The following ATF2 variants were observed in gnomAD, a reference collection of about 807,000 sequenced individuals.
The protein encoded by ATF2 is activating transcription factor 2.
A neutral mutation model predicts 60.6 loss-of-function variants in ATF2; 24 were observed. That is an observed-to-expected ratio of 0.40 (90% CI 0.29 to 0.56). The LOEUF is 0.56. Ranked by LOEUF, ATF2 falls within the 20% of genes least tolerant of loss-of-function variation. ATF2 has a pLI of 0.54. For missense variants in ATF2, 433 were observed against 607.7 expected (o/e 0.71, Z 3.02); for synonymous variants, 206 against 215.4 (o/e 0.96, Z 0.38).
chr2:175,091,308 T>C (rs1574338431), intron 12 of ATF2, among the ~76,000 whole-genome samples: 1 of 152,140 alleles, frequency 6.6e-6, no homozygotes. Context: ...ACAACAGTGA[T>C]TGTGTTTTAT....
intron 1 of ATF2, among the ~76,000 whole-genome samples, chr2:175,152,378 A>C (rs1321113285): frequency 6.6e-6 from 1 of 152,204 alleles, no homozygotes. Flanking sequence ...TGGAAAGGTA[A>C]ACTCACATAC....
chr2:175,163,687 T>G (rs1397308849), intron 1 of ATF2, among the ~76,000 whole-genome samples: 2 of 151,978 alleles, frequency 1.3e-5, no homozygotes, highest in African/African-American at 4.8e-5. Flanking sequence ...CTCATGCCTG[T>G]AATTCCAACA....
rs562326015 is a variant in ATF2 at position 175,108,711 on chromosome 2, G to A, written c.828+2857C>T. ...CTCATTGAGAACGGGCCATGATGAC[G>A]ATGGCGGTTTTGCGGAATAGAAAAG... On this transcript the variant is annotated intron_variant, in intron 10 of 13. Coordinates refer to ENST00000264110, the MANE Select transcript of ATF2 (RefSeq NM_001880.4). 1.5e-3 allele frequency among the ~76,000 whole-genome samples: 234 copies of A among 152,320 alleles called. 3 individuals carry two copies. Among genetic ancestry groups the A allele is most frequent in the Non-Finnish European group, 2.7e-3 (184 of 68,010 alleles).
intron 3 of ATF2, among the ~76,000 whole-genome samples, chr2:175,134,458 G>C (rs1697986892): frequency 6.6e-6 from 1 of 150,784 alleles, no homozygotes; most frequent in Non-Finnish European, 1.5e-5. Context: ...GAAAAGCCTG[G>C]CATACAGCAA....
chr2:175,083,320 T>TA (rs1297357390), intron 12 of ATF2, among the ~76,000 whole-genome samples: 1 of 152,008 alleles, frequency 6.6e-6, no homozygotes, highest in African/African-American at 2.4e-5. Context: ...TGGAACAGAA[T>TA]AGAGCCCTCA....
intron 1 of ATF2, among the ~76,000 whole-genome samples, chr2:175,152,768 T>C (rs1422046416): frequency 6.6e-6 from 1 of 152,180 alleles, no homozygotes; most frequent in African/African-American, 2.4e-5. Context: ...ATACAGGCTG[T>C]TCCTTAAGGG....
At chr2:175,154,786 A>G (rs1375158944) in intron 1 of ATF2, among the ~76,000 whole-genome samples, 2 of 152,234 alleles carry the variant, frequency 1.3e-5, no homozygotes, top group Non-Finnish European at 2.9e-5. Flanking sequence ...GGATATCACT[A>G]ACCTGTGGGT....
chr2:175,136,521 A>C, intron 2 of ATF2, 35 bp from the exon 3 acceptor site: 1 of 1,325,842 alleles, frequency 7.5e-7, no homozygotes, highest in Non-Finnish European at 1.1e-6. Flanking sequence ...TGTTAAAAAT[A>C]GTTCTGAAAC....
intron 2 of ATF2, among the ~76,000 whole-genome samples, chr2:175,142,450 A>G (rs1210281330): frequency 6.6e-6 from 1 of 152,094 alleles, no homozygotes; most frequent in East Asian, 1.9e-4. Context: ...TACAGGCCTG[A>G]GCCATTGTGC....
chr2:175,167,536 A>G (rs1700443291), intron 1 of ATF2: 1 of 440,908 alleles, frequency 2.3e-6, no homozygotes, highest in Admixed American at 2.4e-5. Flanking sequence ...GCGCCTCCCG[A>G]TCCTCCTCCC....
intron 2 of ATF2, among the ~76,000 whole-genome samples, chr2:175,141,511 G>A (rs1240924300): frequency 1.3e-5 from 2 of 150,262 alleles, no homozygotes; most frequent in Non-Finnish European, 1.5e-5. Context: ...TTTTCTTTTC[G>A]GGACGGAGTC....
intron 12 of ATF2, chr2:175,092,566 C>T (rs1396788548): frequency 2.2e-6 from 1 of 449,506 alleles, no homozygotes; most frequent in Non-Finnish European, 4.6e-6. Context: ...AATTAGAGTC[C>T]TTCAGTTTCC....
chr2:175,075,588 A>G (rs940787968), intron 13 of ATF2, among the ~76,000 whole-genome samples: 2 of 152,200 alleles, frequency 1.3e-5, no homozygotes, highest in African/African-American at 4.8e-5. Flanking sequence ...ATAGAACAGA[A>G]TCCAGTAATT....
At chr2:175,155,964 T>C (rs1337003847) in intron 1 of ATF2, among the ~76,000 whole-genome samples, 1 of 151,944 alleles carries the variant, frequency 6.6e-6, no homozygotes, top group Non-Finnish European at 1.5e-5. Flanking sequence ...TTTTCAGGAG[T>C]ATATGAGTGT....
At chr2:175,141,574 G>A (rs1286413350) in intron 2 of ATF2, among the ~76,000 whole-genome samples, 7 of 151,720 alleles carry the variant, frequency 4.6e-5, no homozygotes, top group Non-Finnish European at 8.8e-5. Context: ...TTCACTGTAA[G>A]CTCCATCTCC....
rs182065102 is a variant in ATF2 at position 175,116,133 on chromosome 2, G to A, written c.448-1265C>T. On this transcript the variant is annotated intron_variant, in intron 7 of 13. Coordinates refer to ENST00000264110, the MANE Select transcript of ATF2 (RefSeq NM_001880.4). The stretch of plus-strand genomic sequence containing the variant: ...TAAATACAATGGTAGACCATTGAAA[G>A]ATTTTAAGCAGGTGACATATTTAAT... Among the ~76,000 whole-genome samples the A allele has an allele frequency of 1.9e-4, 29 of 152,236 alleles. No individual in the cohort carries two copies. The East Asian group carries it at 5.6e-3, about 29-fold the overall frequency.
rs1693105436 is a variant in ATF2, at chr2:175,073,889, A to C, written c.*720T>G. On this transcript the variant is annotated 3_prime_UTR_variant, in exon 14 of 14. Coordinates refer to ENST00000264110, the MANE Select transcript of ATF2 (RefSeq NM_001880.4). Reference sequence around the variant, plus strand: ...TCAAAACATAGGTGTAAAATATTGAATTTAAGACTTGAAAAATAAAATCAT... The same window carrying C: ...TCAAAACATAGGTGTAAAATATTGACTTTAAGACTTGAAAAATAAAATCAT... 6.6e-6 allele frequency: 1 copy of C among 152,174 alleles called. No individual in the cohort carries two copies. The allele number at this position is 152,174 out of a possible 1,614,324, so 9.4% of individuals were successfully genotyped here.
rs3771927 is a variant in ATF2, at chr2:175,120,069, C to G, written c.199+1375G>C. On this transcript the variant is annotated intron_variant, in intron 5 of 13. Coordinates refer to ENST00000264110, the MANE Select transcript of ATF2 (RefSeq NM_001880.4). Reference sequence around the variant, plus strand: ...GTCAAGTACTGTGTTTGAATGTGCTCTATTTTTCTACTGCATTAAATGTGA... The same window carrying G: ...GTCAAGTACTGTGTTTGAATGTGCTGTATTTTTCTACTGCATTAAATGTGA... 2.4e-4 allele frequency among the ~76,000 whole-genome samples: 36 copies of G among 151,730 alleles called. No individual in the cohort carries two copies. The East Asian group carries it at 6.6e-3, about 28-fold the overall frequency.
chr2:175,135,728 T>A (rs528712536), intron 3 of ATF2, among the ~76,000 whole-genome samples: 9 of 152,112 alleles, frequency 5.9e-5, no homozygotes, highest in Non-Finnish European at 1.3e-4. Flanking sequence ...CAAAAAGACA[T>A]CTCTGAGTCA....
Sources: allele counts gnomAD v4.1 joint callset (sites outside exome capture counted in the v4.1 genomes callset), GRCh38; gene constraint gnomAD v4.1.1; transcripts MANE v1.5; gene names NCBI Gene and HGNC (gene_info 2026-07-23, HGNC 2026-07-21).